The following TNIK variants were observed in gnomAD, a reference collection of about 807,000 sequenced individuals.
The protein encoded by TNIK is TRAF2 and NCK-interacting protein kinase.
In TNIK, 49 loss-of-function variants were observed where a neutral mutation model predicts 191.3. The ratio of observed to expected loss-of-function variants is 0.26; its 90% CI spans 0.20 to 0.32. TNIK has a LOEUF of 0.32. TNIK is among the 10% of genes least tolerant of loss of function. The pLI, the probability that TNIK is intolerant of heterozygous loss-of-function variation, is 1.00. For missense variants in TNIK, 1,155 were observed against 1,702.3 expected (o/e 0.68, Z 5.66); for synonymous variants, 594 against 600.9 (o/e 0.99, Z 0.17).
intron 2 of TNIK, among the ~76,000 whole-genome samples, chr3:171,336,294 G>T (rs1216107198): frequency 6.6e-6 from 1 of 152,076 alleles, no homozygotes; most frequent in Non-Finnish European, 1.5e-5. Context: ...AAGGCCTTTT[G>T]TTCCAAATAT....
intron 22 of TNIK, among the ~76,000 whole-genome samples, chr3:171,095,185 G>T (rs1337280705): frequency 1.3e-5 from 2 of 152,188 alleles, no homozygotes; most frequent in Non-Finnish European, 2.9e-5. Flanking sequence ...CATACTCCTT[G>T]AGAACACAGA....
intron 2 of TNIK, among the ~76,000 whole-genome samples, chr3:171,294,121 C>T (rs1034666832): frequency 6.6e-6 from 1 of 152,054 alleles, no homozygotes; most frequent in African/African-American, 2.4e-5. Context: ...CCCAGCTACT[C>T]AGGAGGCTGA....
In TNIK at chr3:171,110,769, T is replaced by C. The variant is rs1560127600; in HGVS notation, c.2229A>G (p.Gln743=). The change falls in exon 19 of 33, where the codon CAA becomes CAG. Residue 743 remains glutamine (Q), a synonymous_variant. Coordinates refer to ENST00000436636, the MANE Select transcript of TNIK (RefSeq NM_015028.4). The part of the protein sequence containing the change: ...SSTPSSQPSS[Q]GGSQPGSQAG... ...CTTGTGATCCAGGCTGGGAGCCTCC[T>C]TGGGAGCTGGGCTGGGAGCTAGGGG... is the stretch of plus-strand genomic sequence containing the variant. The C allele has an allele frequency of 1.9e-5, 31 of 1,603,458 alleles. No individual in the cohort carries two copies. The highest frequency in any genetic ancestry group is 2.4e-5 in the Non-Finnish European group (28 of 1,175,252).
rs546684618 is a variant in TNIK at position 171,368,937 on chromosome 3, T to G, written c.123+683A>C. ...TCCAAAAACAGTTCACTTTCATTTTTTTTGTTTTTTTTTTTGACAATCAGA... is the reference window on the plus strand; with the variant it reads ...TCCAAAAACAGTTCACTTTCATTTTGTTTGTTTTTTTTTTTGACAATCAGA... On this transcript the variant is annotated intron_variant, in intron 2 of 32. Coordinates refer to ENST00000436636, the MANE Select transcript of TNIK (RefSeq NM_015028.4). 5.3e-3 allele frequency among the ~76,000 whole-genome samples: 203 copies of G among 38,142 alleles called. 2 individuals are homozygous for G. The South Asian group carries it at 0.13, about 25-fold the overall frequency. 25.0% of individuals were successfully genotyped at this position (38,142 alleles called of 152,430 possible).
intron 2 of TNIK, among the ~76,000 whole-genome samples, chr3:171,360,618 T>C (rs774791481): frequency 1.3e-5 from 2 of 152,204 alleles, no homozygotes; most frequent in African/African-American, 2.4e-5. Context: ...CATCTGTCCA[T>C]GTCTGTCTTA....
At chr3:171,068,206 G>C (rs1213957722) in intron 30 of TNIK, among the ~76,000 whole-genome samples, 3 of 152,092 alleles carry the variant, frequency 2.0e-5, no homozygotes, top group Non-Finnish European at 4.4e-5. Flanking sequence ...GGGCTAATAA[G>C]AAGATCTACA....
chr3:171,284,133 A>C (rs4894752), intron 2 of TNIK, among the ~76,000 whole-genome samples: 2,907 of 152,074 alleles, frequency 0.019, 44 homozygotes, highest in Middle Eastern at 0.037. Flanking sequence ...GGCGGCAGGG[A>C]GGAGGGCAGG....
intron 2 of TNIK, among the ~76,000 whole-genome samples, chr3:171,245,129 A>T (rs1336972190): frequency 6.6e-6 from 1 of 152,194 alleles, no homozygotes; most frequent in African/African-American, 2.4e-5. Flanking sequence ...GACGTGTTGT[A>T]CTTCTATCTC....
intron 1 of TNIK, among the ~76,000 whole-genome samples, chr3:171,413,951 C>G (rs1475653578): frequency 6.6e-6 from 1 of 152,128 alleles, no homozygotes; most frequent in Admixed American, 6.6e-5. Context: ...TATAAGTGCT[C>G]AATAATGTCA....
At chr3:171,098,886 A>G (rs1456023439) in intron 22 of TNIK, among the ~76,000 whole-genome samples, 2 of 152,230 alleles carry the variant, frequency 1.3e-5, no homozygotes, top group Non-Finnish European at 2.9e-5. Flanking sequence ...TATGCAATAT[A>G]AAAATACATA....
intron 12 of TNIK, among the ~76,000 whole-genome samples, chr3:171,145,217 G>A (rs1731386737): frequency 6.6e-6 from 1 of 151,886 alleles, no homozygotes; most frequent in African/African-American, 2.4e-5. Context: ...CTCCCGAGTA[G>A]CTGGGACTAC....
At chr3:171,421,355 T>G (rs1723768865) in intron 1 of TNIK, among the ~76,000 whole-genome samples, 1 of 152,188 alleles carries the variant, frequency 6.6e-6, no homozygotes, top group African/African-American at 2.4e-5. Flanking sequence ...TGTGATAAAT[T>G]CACCCATCTG....
At chr3:171,315,968 G>A (rs1263918428) in intron 2 of TNIK, among the ~76,000 whole-genome samples, 1 of 152,082 alleles carries the variant, frequency 6.6e-6, no homozygotes, top group Non-Finnish European at 1.5e-5. Flanking sequence ...ATGACACAGG[G>A]CATTTCACAG....
At chr3:171,130,327 G>A (rs1230207416) in intron 15 of TNIK, among the ~76,000 whole-genome samples, 1 of 152,272 alleles carries the variant, frequency 6.6e-6, no homozygotes, top group African/African-American at 2.4e-5. Context: ...CCTGCCTCTA[G>A]TGAGGAGTAA....
intron 16 of TNIK, 53 bp downstream of exon 16, chr3:171,128,661 G>A (rs532331931): frequency 3.2e-6 from 5 of 1,548,990 alleles, no homozygotes; most frequent in Non-Finnish European, 4.4e-6. Context: ...TTTAATAATA[G>A]GTTTTCTTGT....
chr3:171,203,712 T>G (rs1348062655), intron 4 of TNIK, among the ~76,000 whole-genome samples: 1 of 152,226 alleles, frequency 6.6e-6, no homozygotes, highest in Non-Finnish European at 1.5e-5. Flanking sequence ...TTATCATTTT[T>G]ATAAAGTAGA....
intron 3 of TNIK, among the ~76,000 whole-genome samples, chr3:171,217,950 T>C (rs191119982): frequency 2.6e-5 from 4 of 152,142 alleles, no homozygotes; most frequent in African/African-American, 9.7e-5. Flanking sequence ...GTGGTCTACT[T>C]TGGAGGCTTT....
At chr3:171,378,883 C>T (rs1344490171) in intron 1 of TNIK, among the ~76,000 whole-genome samples, 1 of 152,164 alleles carries the variant, frequency 6.6e-6, no homozygotes, top group African/African-American at 2.4e-5. Flanking sequence ...TAAATGAAGA[C>T]CTATGTCTTT....
chr3:171,414,545 A>G (rs925041973), intron 1 of TNIK, among the ~76,000 whole-genome samples: 1 of 152,210 alleles, frequency 6.6e-6, no homozygotes, highest in South Asian at 2.1e-4. Context: ...AGCAGCCCCA[A>G]TCAGATAACC....
Sources: allele counts gnomAD v4.1 joint callset (sites outside exome capture counted in the v4.1 genomes callset), GRCh38; gene constraint gnomAD v4.1.1; transcripts MANE v1.5; gene names NCBI Gene and HGNC (gene_info 2026-07-23, HGNC 2026-07-21).